Variants in TRIM9 observed in about 807,000 individuals in gnomAD.
The protein encoded by TRIM9 is E3 ubiquitin-protein ligase TRIM9.
In TRIM9, 26 loss-of-function variants were observed where a neutral mutation model predicts 78.3. The observed-to-expected ratio is 0.33, with a 90% CI of 0.24 to 0.46. The LOEUF is 0.46. Among genes scored for constraint, TRIM9 ranks in the 20% least tolerant of loss-of-function variants. The probability of loss-of-function intolerance (pLI) is 1.00; values close to 1 mark genes in which losing one functional copy is unlikely to be tolerated. For missense variants in TRIM9, 787 were observed against 1,036.4 expected (o/e 0.76, Z 3.30); for synonymous variants, 398 against 416.5 (o/e 0.96, Z 0.54).
At chr14:51,028,045 AT>A in intron 1 of TRIM9, among the ~76,000 whole-genome samples, 1 of 152,302 alleles carries the variant, frequency 6.6e-6, no homozygotes, top group Admixed American at 6.5e-5. Context: ...ATACCCATAG[AT>A]TTTTTGACCA....
chr14:50,998,253 T>C lies in TRIM9; in HGVS notation c.1465-65A>G, dbSNP rs2054482809. 3 of 1,512,618 alleles carry C rather than the reference T, an allele frequency of 2.0e-6. No homozygotes were observed. The South Asian group carries it at 3.5e-5, about 18-fold the overall frequency. The allele number at this position is 1,512,618 out of a possible 1,614,324, so 93.7% of individuals were successfully genotyped here. On this transcript the variant is annotated intron_variant, in intron 6 of 12. Coordinates refer to ENST00000684578, the MANE Select transcript of TRIM9 (RefSeq NM_001387360.1). ...CCCTTCTGAGGGGCGAGGGAGGCAGTGTCGCTCAGTGGTTAGGAGCAAGAG... is the reference window on the plus strand; with the variant it reads ...CCCTTCTGAGGGGCGAGGGAGGCAGCGTCGCTCAGTGGTTAGGAGCAAGAG...
At chr14:50,982,285 G>A (rs920837715) in intron 10 of TRIM9, 182 bp from the exon 11 acceptor site, 7 of 651,366 alleles carry the variant, frequency 1.1e-5, no homozygotes, top group African/African-American at 9.1e-5. Context: ...TGCACCAGAA[G>A]CAGACGGAGG....
chr14:50,995,333 G>A (rs761092826), intron 7 of TRIM9, among the ~76,000 whole-genome samples: 1 of 151,938 alleles, frequency 6.6e-6, no homozygotes, highest in Non-Finnish European at 1.5e-5. Flanking sequence ...TCTAAGGCTT[G>A]TTTCCTTTTC....
At chr14:51,023,950 T>C (rs1036119462) in intron 2 of TRIM9, among the ~76,000 whole-genome samples, 1 of 152,346 alleles carries the variant, frequency 6.6e-6, no homozygotes, top group African/African-American at 2.4e-5. Flanking sequence ...TGTGTCTTTT[T>C]ATATAATAAT....
intron 1 of TRIM9, among the ~76,000 whole-genome samples, chr14:51,084,720 T>A (rs562235066): frequency 1.3e-5 from 2 of 152,332 alleles, no homozygotes; most frequent in South Asian, 2.1e-4. Flanking sequence ...GTTTTATGAA[T>A]TGATGCACTT....
intron 1 of TRIM9, among the ~76,000 whole-genome samples, chr14:51,027,294 C>T (rs2058339425): frequency 1.3e-5 from 2 of 151,966 alleles, no homozygotes; most frequent in Non-Finnish European, 2.9e-5. Context: ...CAGCCGTGCA[C>T]CACCACACCG....
At chr14:51,025,641 A>AT (rs2058147714) in intron 1 of TRIM9, among the ~76,000 whole-genome samples, 1 of 152,222 alleles carries the variant, frequency 6.6e-6, no homozygotes, top group Non-Finnish European at 1.5e-5. Flanking sequence ...TCATTGATTA[A>AT]TTAAACAATC....
intron 1 of TRIM9, among the ~76,000 whole-genome samples, chr14:51,039,650 T>C (rs1015548446): frequency 3.9e-5 from 6 of 152,226 alleles, no homozygotes; most frequent in African/African-American, 1.2e-4. Flanking sequence ...TGGAATGGCC[T>C]GTCTCTTGAT....
chr14:51,000,445 A>AGTCTG (rs2054825646), intron 6 of TRIM9, among the ~76,000 whole-genome samples: 1 of 152,244 alleles, frequency 6.6e-6, no homozygotes, highest in South Asian at 2.1e-4. Context: ...GAATGCAGGC[A>AGTCTG]GTCTGACTCC....
chr14:51,018,543 C>G (rs756399511), intron 3 of TRIM9, among the ~76,000 whole-genome samples: 4 of 152,058 alleles, frequency 2.6e-5, no homozygotes, highest in African/African-American at 7.2e-5. Context: ...TCATAACAGG[C>G]AATACATGGT....
In TRIM9 at chr14:50,975,372, G is replaced by A. The variant is rs1162138802; in HGVS notation, c.*1919C>T. On this transcript the variant is annotated 3_prime_UTR_variant, in exon 13 of 13. Transcript: ENST00000684578. ...ATTCAGTGTAAACTACATGTTACAA[G>A]TCACTAGAAATCTAATTAGCAGGAT... The A allele has an allele frequency of 6.6e-6, 1 of 152,618 alleles. No homozygotes were observed. The allele number at this position is 152,618 out of a possible 1,614,324, so 9.5% of individuals were successfully genotyped here.
intron 7 of TRIM9, among the ~76,000 whole-genome samples, chr14:50,987,025 T>C (rs2052803440): frequency 6.6e-6 from 1 of 152,226 alleles, no homozygotes; most frequent in African/African-American, 2.4e-5. Flanking sequence ...CAATAGCTGG[T>C]TCTATGCACG....
chr14:51,061,890 C>G (rs1409988103), intron 1 of TRIM9, among the ~76,000 whole-genome samples: 1 of 152,130 alleles, frequency 6.6e-6, no homozygotes, highest in African/African-American at 2.4e-5. Flanking sequence ...TGTCTTATAT[C>G]CCCTCCCCTA....
At chr14:51,000,945 G>A (rs1442229477) in intron 5 of TRIM9, 105 bp from the exon 6 acceptor site, 1 of 1,345,738 alleles carries the variant, frequency 7.4e-7, no homozygotes, top group Non-Finnish European at 1.0e-6. Flanking sequence ...GAAGTAGCCA[G>A]AATGGGGTGC....
chr14:50,997,890 C>T, intron 7 of TRIM9, 160 bp downstream of exon 7: 1 of 1,464,830 alleles, frequency 6.8e-7, no homozygotes, highest in East Asian at 2.5e-5. Context: ...ACCATAGGCT[C>T]TCTAAAGGCA....
In TRIM9 at chr14:51,007,853, G is replaced by A. The variant is rs577866956; in HGVS notation, c.1306+1227C>T. ...AGAGAGAGCAAAAATCCATTAAAAGGCTGAGAGATGTACACATACCAAGTA... is the reference window on the plus strand; with the variant it reads ...AGAGAGAGCAAAAATCCATTAAAAGACTGAGAGATGTACACATACCAAGTA... On this transcript the variant is annotated intron_variant, in intron 5 of 12. Coordinates refer to ENST00000684578, the MANE Select transcript of TRIM9 (RefSeq NM_001387360.1). 2.0e-5 allele frequency among the ~76,000 whole-genome samples: 3 copies of A among 150,154 alleles called. No homozygotes were observed. In the East Asian group the frequency reaches 5.9e-4, roughly 29 times the overall value.
rs1400632004 is a variant in TRIM9 at position 51,000,722 on chromosome 14, G to A, written c.1425C>T (p.Tyr475=). 2 of 1,614,206 alleles carry A rather than the reference G, an allele frequency of 1.2e-6. No individual in the cohort carries two copies. Among genetic ancestry groups the A allele is most frequent in the Non-Finnish European group, 1.7e-6 (2 of 1,180,020 alleles). The change falls in exon 6 of 13, where the codon TAC becomes TAT. Residue 475 remains tyrosine (Y), a synonymous_variant. Transcript: ENST00000684578. ...CGTTGCCATCATCCAGCTCCAGAAT[G>A]TATCCATCGGCGGGCACCGTGGACA... The part of the protein sequence containing the change: ...PPLSTVPADG[Y]ILELDDGNGG...
intron 7 of TRIM9, among the ~76,000 whole-genome samples, chr14:50,990,546 A>T (rs940980165): frequency 2.0e-5 from 3 of 152,164 alleles, no homozygotes; most frequent in African/African-American, 7.2e-5. Context: ...AGATTTTTGC[A>T]GATGTTGTAG....
chr14:51,039,917 T>G (rs1258546179), intron 1 of TRIM9, among the ~76,000 whole-genome samples: 1 of 151,878 alleles, frequency 6.6e-6, no homozygotes, highest in Non-Finnish European at 1.5e-5. Flanking sequence ...CAGCTAATTT[T>G]TTTTGTATTT....
Sources: gnomAD v4.1 joint callset for allele counts (sites outside exome capture counted in the v4.1 genomes callset) on GRCh38, gnomAD v4.1.1 for gene constraint, MANE v1.5 for transcripts, NCBI Gene and HGNC (gene_info 2026-07-23, HGNC 2026-07-21) for gene names.